Variants in CDH6 observed in about 807,000 individuals in gnomAD.
CDH6 encodes the protein cadherin-6.
A neutral mutation model predicts 78.0 loss-of-function variants in CDH6; 31 were observed. The ratio of observed to expected loss-of-function variants is 0.40; its 90% confidence interval spans 0.30 to 0.54. The LOEUF is 0.54. CDH6 is among the 20% of genes least tolerant of loss of function. The pLI is 0.56. For missense variants in CDH6, 724 were observed against 975.9 expected (o/e 0.74, Z 3.44); for synonymous variants, 376 against 368.8 (o/e 1.02, Z -0.23).
intron 2 of CDH6, among the ~76,000 whole-genome samples, chr5:31,281,187 C>T (rs931299314): frequency 2.0e-5 from 3 of 151,974 alleles, no homozygotes; most frequent in Admixed American, 6.6e-5. Context: ...AGAAAAAGTC[C>T]ATTTGCTATT....
In CDH6 at chr5:31,324,862, G is replaced by A. The variant is rs1738583757; in HGVS notation, c.*1554G>A. Reference sequence around the variant, plus strand: ...AGAATCTTACCTTGTGCAGTCATCAGAAATTCCAGCGTACTATAATGAAAA... The same window carrying A: ...AGAATCTTACCTTGTGCAGTCATCAAAAATTCCAGCGTACTATAATGAAAA... On this transcript the variant is annotated 3_prime_UTR_variant, in exon 12 of 12. Transcript: ENST00000265071. 2 of 204,416 alleles carry A rather than the reference G, an allele frequency of 9.8e-6. No homozygotes were observed. The highest frequency in any genetic ancestry group is 3.8e-4 in the South Asian group (2 of 5,260). The allele number at this position is 204,416 out of a possible 1,614,324, so 12.7% of individuals were successfully genotyped here.
At chr5:31,295,787 GA>G (rs1490829275) in intron 3 of CDH6, among the ~76,000 whole-genome samples, 4 of 152,026 alleles carry the variant, frequency 2.6e-5, no homozygotes, top group African/African-American at 9.7e-5. Flanking sequence ...TTTGTATCTT[GA>G]AAAAATAAAT....
At chr5:31,226,716 C>T (rs1470708033) in intron 1 of CDH6, among the ~76,000 whole-genome samples, 1 of 152,174 alleles carries the variant, frequency 6.6e-6, no homozygotes, top group African/African-American at 2.4e-5. Context: ...AGTTCAAACT[C>T]CTCTTGAACA....
chr5:31,199,980 G>A (rs1388557611), intron 1 of CDH6, among the ~76,000 whole-genome samples: 2 of 151,992 alleles, frequency 1.3e-5, no homozygotes, highest in Non-Finnish European at 2.9e-5. Flanking sequence ...TGAAGGTGCT[G>A]TTAACAAACA....
At chr5:31,317,607 A>G in intron 10 of CDH6, 66 bp from the exon 11 acceptor site, 1 of 1,570,438 alleles carries the variant, frequency 6.4e-7, no homozygotes, top group Non-Finnish European at 8.7e-7. Flanking sequence ...ATCTTTTCTT[A>G]TCACAGTTGA....
chr5:31,257,592 C>T (rs1212739059), intron 1 of CDH6, among the ~76,000 whole-genome samples: 2 of 152,174 alleles, frequency 1.3e-5, no homozygotes, highest in Non-Finnish European at 2.9e-5. Context: ...TTACTATGTG[C>T]CAGGCACTGT....
In CDH6 at chr5:31,294,354, T is replaced by C. The variant is rs774170834; in HGVS notation, c.523+98T>C. 22 of 924,964 alleles carry C rather than the reference T, an allele frequency of 2.4e-5. No individual in the cohort carries two copies. Among genetic ancestry groups the C allele is most frequent in the Non-Finnish European group, 3.5e-5 (21 of 592,492 alleles). 57.3% of individuals were successfully genotyped at this position (924,964 alleles called of 1,614,324 possible). ...CTCAAAGTACTGAACTGCATGAATTTAGATGCTAACTTCTTCAATCCATGT... is the reference window on the plus strand; with the variant it reads ...CTCAAAGTACTGAACTGCATGAATTCAGATGCTAACTTCTTCAATCCATGT... On this transcript the variant is annotated intron_variant, in intron 3 of 11. Coordinates refer to ENST00000265071, the MANE Select transcript of CDH6 (RefSeq NM_004932.4). This position sits in a 1 kb window ranked among gnomAD's most constrained non-coding sequence, Gnocchi z 4.1.
intron 9 of CDH6, among the ~76,000 whole-genome samples, chr5:31,317,061 A>T (rs1246526444): frequency 2.6e-5 from 4 of 152,114 alleles, no homozygotes; most frequent in African/African-American, 9.7e-5. Flanking sequence ...CTCCCTGGGG[A>T]TATTTACAGT....
chr5:31,310,711 C>T (rs182989699), intron 7 of CDH6, among the ~76,000 whole-genome samples: 411 of 152,288 alleles, frequency 2.7e-3, no homozygotes, highest in Admixed American at 4.5e-3. Flanking sequence ...CAGCTTCAGG[C>T]CCAACACCAT....
chr5:31,268,556 A>C (rs10940943), intron 2 of CDH6, among the ~76,000 whole-genome samples: 69,543 of 152,042 alleles, frequency 0.46, 16,205 homozygotes, highest in Middle Eastern at 0.58. Context: ...AACCAGGGTT[A>C]CAGGTTCTGT....
chr5:31,319,886 C>T (rs1738432789), intron 11 of CDH6, among the ~76,000 whole-genome samples: 1 of 152,184 alleles, frequency 6.6e-6, no homozygotes, highest in African/African-American at 2.4e-5. Flanking sequence ...TCATTCATGA[C>T]AATAAGACTG....
rs998446898 is a variant in CDH6, at chr5:31,294,677, C to T, written c.523+421C>T. 6.6e-6 allele frequency among the ~76,000 whole-genome samples: 1 copy of T among 152,102 alleles called. No homozygotes were observed. The highest frequency in any genetic ancestry group is 2.4e-5 in the African/African-American group (1 of 41,426). The stretch of plus-strand genomic sequence containing the variant: ...CCAGTCTAAAAAGTAGTGATAGTTG[C>T]TTTAAGTAACTAGTAACTGTATATT... On this transcript the variant is annotated intron_variant, in intron 3 of 11. Coordinates refer to ENST00000265071, the MANE Select transcript of CDH6 (RefSeq NM_004932.4). The surrounding 1 kb of genome is among the most constrained non-coding windows in gnomAD (Gnocchi z 4.1).
chr5:31,245,230 C>T (rs1486793469), intron 1 of CDH6, among the ~76,000 whole-genome samples: 4 of 152,138 alleles, frequency 2.6e-5, no homozygotes, highest in African/African-American at 4.8e-5. Context: ...TAAGGAAGGC[C>T]TAAAATAGTC....
At chr5:31,228,454 T>C (rs1310774595) in intron 1 of CDH6, among the ~76,000 whole-genome samples, 1 of 152,154 alleles carries the variant, frequency 6.6e-6, no homozygotes, top group Non-Finnish European at 1.5e-5. Context: ...CTTTGTGGAA[T>C]GGAGAAAAGT....
intron 11 of CDH6, among the ~76,000 whole-genome samples, chr5:31,319,459 A>T (rs1412858203): frequency 6.6e-6 from 1 of 152,246 alleles, no homozygotes; most frequent in African/African-American, 2.4e-5. Context: ...CCTAATCCTC[A>T]GCACCATTTG....
rs181738773 is a variant in CDH6, at chr5:31,301,122, A to C, written c.812-989A>C. Among the ~76,000 whole-genome samples the C allele has an allele frequency of 1.4e-3, 210 of 152,086 alleles. 1 individual carries two copies. Among genetic ancestry groups the C allele is most frequent in the African/African-American group, 4.6e-3 (192 of 41,496 alleles). On this transcript the variant is annotated intron_variant, in intron 5 of 11. Coordinates refer to ENST00000265071, the MANE Select transcript of CDH6 (RefSeq NM_004932.4). ...TGAGCAACAGGAGGAAATCCTGTCC[A>C]AAAAAAATGCTCTTTTTGAGTTACG...
chr5:31,241,424 G>A (rs1270888922), intron 1 of CDH6, among the ~76,000 whole-genome samples: 1 of 152,268 alleles, frequency 6.6e-6, no homozygotes, highest in Non-Finnish European at 1.5e-5. Flanking sequence ...ATCAAGGCCT[G>A]TGGCCAGGCT....
intron 1 of CDH6, among the ~76,000 whole-genome samples, chr5:31,207,593 A>C (rs1009111002): frequency 6.6e-6 from 1 of 152,226 alleles, no homozygotes; most frequent in Non-Finnish European, 1.5e-5. Flanking sequence ...CACTGTAAAC[A>C]TCTGGAAAAC....
chr5:31,297,922 A>G (rs1322931633), intron 4 of CDH6, among the ~76,000 whole-genome samples: 1 of 152,210 alleles, frequency 6.6e-6, no homozygotes, highest in Non-Finnish European at 1.5e-5. Context: ...GTTGAGATGT[A>G]GTCTGTAGCC....
Sources: allele counts gnomAD v4.1 joint callset (sites outside exome capture counted in the v4.1 genomes callset), GRCh38; gene constraint gnomAD v4.1.1; non-coding constraint Gnocchi (gnomAD v3.1); transcripts MANE v1.5; gene names NCBI Gene and HGNC (gene_info 2026-07-23, HGNC 2026-07-21).